Variants in MICALL2 observed in about 807,000 individuals in gnomAD.
MICALL2 encodes the protein MICAL-like protein 2.
A neutral mutation model predicts 91.1 loss-of-function variants in MICALL2; 111 were observed. That is an observed-to-expected ratio of 1.22 (90% CI 1.04 to 1.43). The LOEUF is 1.43. MICALL2 is among the 40% of genes most tolerant of loss of function. The pLI is 0.00. For synonymous variants in MICALL2, 694 were observed against 525.3 expected, an observed-to-expected ratio of 1.32 and a Z score of -4.39; for missense variants, 1,556 against 1,236.0, an observed-to-expected ratio of 1.26 and a Z score of -3.88.
In MICALL2 at chr7:1,445,471, AC is replaced by A. The variant is rs1562460499; in HGVS notation, c.642-44del. ...CAGGAGCCCCAGCTCGGCACCGCCCACCCCGCCACGCATTCACCACGTGCTC... is the reference window on the plus strand; with the variant it reads ...CAGGAGCCCCAGCTCGGCACCGCCCACCCGCCACGCATTCACCACGTGCTC... On this transcript the variant is annotated intron_variant, in intron 5 of 16. Coordinates refer to ENST00000297508, the MANE Select transcript of MICALL2 (RefSeq NM_182924.4). The A allele has an allele frequency of 4.2e-6, 6 of 1,436,706 alleles. No homozygotes were observed. In the South Asian group the frequency reaches 8.6e-5, roughly 21 times the overall value. The allele number at this position is 1,436,706 out of a possible 1,614,324, so 89.0% of individuals were successfully genotyped here. A position where few individuals can be genotyped will look rare whatever the true frequency, so the allele number is the denominator to read the frequency against.
chr7:1,442,333 T>C lies in MICALL2; in HGVS notation c.1570A>G (p.Ser524Gly), dbSNP rs750642571. Residue 524 changes from serine to glycine, a missense_variant, in exon 7 of 17, where the codon AGT (serine) becomes GGT (glycine). Physicochemically the swap from Ser to Gly is moderately conservative, Grantham distance 56 (BLOSUM62 0). Transcript: ENST00000297508. ...MEPPAPLSTS[S>G]TSQASALPPA... Reference sequence around the variant, plus strand: ...GGCAACGCGGATGCCTGAGAGGTACTGCTCGTGCTCAGCGGGGCTGGCGGT... The same window carrying C: ...GGCAACGCGGATGCCTGAGAGGTACCGCTCGTGCTCAGCGGGGCTGGCGGT... 2.4e-5 allele frequency: 38 copies of C among 1,613,046 alleles called. No individual in the cohort carries two copies. Among genetic ancestry groups the C allele is most frequent in the Non-Finnish European group, 3.1e-5 (37 of 1,179,870 alleles).
At position 1,459,432 on chromosome 7, in the gene MICALL2, C is replaced by T. The variant is rs1281416867; in HGVS notation, c.-106G>A. The T allele has an allele frequency of 2.7e-6, 3 of 1,114,214 alleles. No individual in the cohort carries two copies. The highest frequency in any genetic ancestry group is 6.6e-5 in the East Asian group (2 of 30,196). 69.0% of individuals were successfully genotyped at this position (1,114,214 alleles called of 1,614,324 possible). A position where few individuals can be genotyped will look rare whatever the true frequency, so the allele number is the denominator to read the frequency against. On this transcript the variant is annotated 5_prime_UTR_variant, in exon 1 of 17. Coordinates refer to ENST00000297508, the MANE Select transcript of MICALL2 (RefSeq NM_182924.4). ...ACAGACGCTGGGACCGCTACGGAAC[C>T]GCCAGACCCACGGCGCCCAGCCCCA...
chr7:1,447,952 C>T (rs888393410), intron 3 of MICALL2, 187 bp from the exon 4 acceptor site: 1 of 438,550 alleles, frequency 2.3e-6, no homozygotes, highest in Non-Finnish European at 4.0e-6. Context: ...CCACTCCTTC[C>T]CTCCCCACTC....
rs145201308 is a variant in MICALL2, at chr7:1,459,209, G to C, written c.118C>G (p.Leu40Val). ...FRDGLAFCAI[L>V]HRHRPDLINF... ...ATGAGGTCGGGCCGGTGGCGGTGCA[G>C]GATGGCGCAGAAAGCCAGGCCGTCG... Residue 40 changes from leucine to valine, a missense_variant, in exon 1 of 17, where the codon CTG becomes GTG. Physicochemically the swap from Leu to Val is conservative, Grantham distance 32. Coordinates refer to ENST00000297508, the MANE Select transcript of MICALL2 (RefSeq NM_182924.4). The C allele has an allele frequency of 6.8e-6, 11 of 1,610,706 alleles. No homozygotes were observed. The African/African-American group carries it at 1.5e-4, about 22-fold the overall frequency.
intron 1 of MICALL2, among the ~76,000 whole-genome samples, chr7:1,456,279 G>A (rs973151450): frequency 2.0e-5 from 3 of 152,060 alleles, no homozygotes; most frequent in Admixed American, 6.6e-5. Flanking sequence ...ACAATATGCT[G>A]AGTGAAAGTA....
intron 14 of MICALL2, 102 bp downstream of exon 14, chr7:1,437,433 C>T (rs1017001656): frequency 9.1e-7 from 1 of 1,100,332 alleles, no homozygotes; most frequent in Non-Finnish European, 1.3e-6. Context: ...GAAGGTCTCA[C>T]CACCAGGACA....
In MICALL2 at chr7:1,448,645, G is replaced by C. The variant is rs769513707; in HGVS notation, c.309C>G (p.Tyr103Ter). Residue 103 changes from tyrosine (Y) to a stop codon, truncating the protein, a stop_gained, in exon 3 of 17, where the codon TAC (tyrosine) becomes TAG (stop). Coordinates refer to ENST00000297508, the MANE Select transcript of MICALL2 (RefSeq NM_182924.4). LOFTEE classifies it high-confidence loss of function. ...LSILTYVSQY[Y>*]NYFHGRSPIG... ...TGGGGGAGCGGCCGTGGAAGTAGTT[G>C]TAATACTGGGACACGTAGGTCAAGA... is the stretch of plus-strand genomic sequence containing the variant. 8.1e-6 allele frequency: 13 copies of C among 1,612,708 alleles called. No individual in the cohort carries two copies. The South Asian group carries it at 1.3e-4, about 16-fold the overall frequency.
chr7:1,438,589 C>T, intron 10 of MICALL2: 1 of 1,422,502 alleles, frequency 7.0e-7, no homozygotes, highest in East Asian at 2.5e-5. Context: ...ACCCCAGCCA[C>T]CCCAGTCCCT....
In MICALL2 at chr7:1,459,209, G is replaced by A; in HGVS notation, c.118C>T (p.Leu40=). ...ATGAGGTCGGGCCGGTGGCGGTGCAGGATGGCGCAGAAAGCCAGGCCGTCG... is the reference window on the plus strand; with the variant it reads ...ATGAGGTCGGGCCGGTGGCGGTGCAAGATGGCGCAGAAAGCCAGGCCGTCG... ...FRDGLAFCAI[L]HRHRPDLINF... Residue 40 remains leucine (L), a synonymous_variant, in exon 1 of 17, where the codon CTG becomes TTG. Transcript: ENST00000297508. 6.2e-7 allele frequency: 1 copy of A among 1,610,824 alleles called. No individual in the cohort carries two copies. Among genetic ancestry groups the A allele is most frequent in the Non-Finnish European group, 8.5e-7 (1 of 1,178,918 alleles).
Position 1,438,308 on chromosome 7 carries a change from G to A in MICALL2, c.2168C>T (p.Thr723Met), listed in dbSNP as rs551394343. 5.5e-5 allele frequency: 88 copies of A among 1,602,624 alleles called. No homozygotes were observed. The highest frequency in any genetic ancestry group is 8.5e-5 in the Admixed American group (5 of 58,774). The stretch of plus-strand genomic sequence containing the variant: ...ACTCACCCTGACTGGGGAGGTCACC[G>A]TCTCGCCAGGCAGAGCAGGGACATT... Reference protein sequence around the residue: ...PANVPALPGETVTSPVRLHPD... With the variant: ...PANVPALPGEMVTSPVRLHPD... The change falls in exon 11 of 17, where the codon ACG becomes ATG. Residue 723 changes from threonine (T) to methionine (M), a missense_variant. Physicochemically the swap from Thr to Met is moderately conservative, Grantham distance 81. Transcript: ENST00000297508.
rs1780202675 is a variant in MICALL2 at position 1,439,997 on chromosome 7, C to CA, written c.1893dup (p.Val632CysfsTer11). ...CTCACGGGGGTCAGGGTGATGTGGA[C>CA]ACTCCCAGCAAAGCTGCCTGAGACC... On this transcript the variant is annotated frameshift_variant, in exon 9 of 17. Transcript: ENST00000297508. LOFTEE classifies it high-confidence loss of function. 2 of 1,549,426 alleles carry CA rather than the reference C, an allele frequency of 1.3e-6. No homozygotes were observed. Among genetic ancestry groups the CA allele is most frequent in the Non-Finnish European group, 1.7e-6 (2 of 1,159,332 alleles).
chr7:1,435,174 C>T (rs1348914630), intron 15 of MICALL2, 27 bp from the exon 16 acceptor site: 125 of 1,612,638 alleles, frequency 7.8e-5, no homozygotes, highest in Non-Finnish European at 1.0e-4. Context: ...TGGCCATGAG[C>T]GACAATGGCA....
rs1450855703 is a variant in MICALL2 at position 1,446,573 on chromosome 7, AG to A, written c.641+139del. ...GGGAGGAGGGGAGACGGGGAGGGGG[AG>A]GGGGGAGGAGGGGAGAGGGGAGAGG... On this transcript the variant is annotated intron_variant, in intron 5 of 16. Transcript: ENST00000297508. 28 of 430,174 alleles carry A rather than the reference AG, an allele frequency of 6.5e-5. 1 individual carries two copies. Among genetic ancestry groups the A allele is most frequent in the South Asian group, 1.5e-4 (7 of 45,900 alleles). 26.6% of individuals were successfully genotyped at this position (430,174 alleles called of 1,614,324 possible).
rs754837289 is a variant in MICALL2 at position 1,451,788 on chromosome 7, G to A, written c.144-1500C>T. ...TGCAGCAAACAGGAAGGCTGGGCAG[G>A]TCTCAAACGGAGAAGTGGGGGCCGA... On this transcript the variant is annotated intron_variant, in intron 1 of 16. Coordinates refer to ENST00000297508, the MANE Select transcript of MICALL2 (RefSeq NM_182924.4). This position sits in a 1 kb window ranked among gnomAD's most constrained non-coding sequence, Gnocchi z 4.5. Among the ~76,000 whole-genome samples the A allele has an allele frequency of 3.2e-4, 49 of 152,248 alleles. 1 individual carries two copies. Among genetic ancestry groups the A allele is most frequent in the South Asian group, 1.2e-3 (6 of 4,838 alleles).
intron 15 of MICALL2, among the ~76,000 whole-genome samples, chr7:1,435,384 G>A (rs965265305): frequency 6.8e-6 from 1 of 147,304 alleles, no homozygotes; most frequent in East Asian, 2.0e-4. Context: ...GCCCTGGGCC[G>A]ACCACACAGG....
intron 5 of MICALL2, among the ~76,000 whole-genome samples, chr7:1,445,921 T>C: frequency 6.6e-6 from 1 of 151,120 alleles, no homozygotes; most frequent in Non-Finnish European, 1.5e-5. Context: ...AGCAAGGGGC[T>C]GGGGATGGCC....
Position 1,442,279 on chromosome 7 carries a change from A to C in MICALL2, c.1624T>G (p.Ser542Ala), listed in dbSNP as rs1199323545. Residue 542 changes from serine to alanine, a missense_variant, in exon 7 of 17, where the codon TCC (serine) becomes GCC (alanine). Ser to Ala is a moderately conservative substitution (Grantham distance 99). Coordinates refer to ENST00000297508, the MANE Select transcript of MICALL2 (RefSeq NM_182924.4). ...GCACCCACCCTGCCGACCCCTGAGG[A>C]TTCCGCCAAGTTCCTCCTGCCTGCC... Reference protein sequence around the residue: ...PPAGRRNLAESSGVGRVGAGS... With the variant: ...PPAGRRNLAEASGVGRVGAGS... 9.3e-6 allele frequency: 15 copies of C among 1,612,990 alleles called. No individual in the cohort carries two copies. The highest frequency in any genetic ancestry group is 1.2e-5 in the Non-Finnish European group (14 of 1,179,940).
intron 6 of MICALL2, 30 bp downstream of exon 6, chr7:1,444,621 AC>A: frequency 6.3e-7 from 1 of 1,590,888 alleles, no homozygotes. Context: ...AAGAGGCCAT[AC>A]CCGGGGTCCC....
At chr7:1,458,182 G>T (rs569524814) in intron 1 of MICALL2, among the ~76,000 whole-genome samples, 1 of 152,220 alleles carries the variant, frequency 6.6e-6, no homozygotes, top group South Asian at 2.1e-4. Flanking sequence ...GGGCACAGGG[G>T]AGGAGCCCCG....
Sources: gnomAD v4.1 joint callset for allele counts (sites outside exome capture counted in the v4.1 genomes callset) on GRCh38, gnomAD v4.1.1 for gene constraint, Gnocchi (gnomAD v3.1) non-coding constraint, MANE v1.5 for transcripts, NCBI Gene and HGNC (gene_info 2026-07-23, HGNC 2026-07-21) for gene names.